Variants in GRM7 observed in about 807,000 individuals in gnomAD.
GRM7 encodes metabotropic glutamate receptor 7.
GRM7 carries 35 observed loss-of-function variants against 84.5 expected under a neutral mutation model. That is an observed-to-expected ratio of 0.41 (90% confidence interval 0.32 to 0.55). GRM7 has a LOEUF of 0.55. Among genes scored for constraint, GRM7 ranks in the 20% least tolerant of loss-of-function variants. The pLI is 0.19. For synonymous variants in GRM7, 487 were observed against 455.1 expected, an observed-to-expected ratio of 1.07 and a Z score of -0.89; for missense variants, 1,003 against 1,194.6, an observed-to-expected ratio of 0.84 and a Z score of 2.36.
At chr3:7,503,165 A>T (rs1054129918) in intron 7 of GRM7, among the ~76,000 whole-genome samples, 5 of 152,162 alleles carry the variant, frequency 3.3e-5, no homozygotes, top group African/African-American at 1.2e-4. Flanking sequence ...AAAATCCCCC[A>T]TATCAGTATT....
intron 1 of GRM7, among the ~76,000 whole-genome samples, chr3:6,945,153 A>C (rs7643027): frequency 0.23 from 34,920 of 151,294 alleles, 4,195 homozygotes; most frequent in Non-Finnish European, 0.26. Flanking sequence ...TGTTGGTGTG[A>C]TGCACCCATT....
chr3:7,726,394 T>G (rs1186266266), intron 9 of GRM7, among the ~76,000 whole-genome samples: 1 of 151,902 alleles, frequency 6.6e-6, no homozygotes, highest in African/African-American at 2.4e-5. Context: ...TATAAAAAGA[T>G]AGCATTATAG....
intron 1 of GRM7, among the ~76,000 whole-genome samples, chr3:7,032,386 G>T (rs1483097995): frequency 6.6e-6 from 1 of 152,184 alleles, no homozygotes; most frequent in African/African-American, 2.4e-5. Context: ...AATTCCATAA[G>T]GTTATGTGAG....
intron 4 of GRM7, among the ~76,000 whole-genome samples, chr3:7,392,197 A>G (rs1356604368): frequency 1.3e-5 from 2 of 152,090 alleles, no homozygotes; most frequent in Non-Finnish European, 2.9e-5. Context: ...TGACCAAGGG[A>G]GCAGACTAGA....
At chr3:7,155,668 C>A (rs1199781533) in intron 2 of GRM7, among the ~76,000 whole-genome samples, 3 of 152,106 alleles carry the variant, frequency 2.0e-5, no homozygotes, top group African/African-American at 7.2e-5. Flanking sequence ...ACAAAGGGAT[C>A]TGTTTTCCTT....
Position 7,578,492 on chromosome 3 carries a change from C to G in GRM7, c.1586C>G (p.Pro529Arg). 1 of 1,613,898 alleles carries G rather than the reference C, an allele frequency of 6.2e-7. No homozygotes were observed. The stretch of plus-strand genomic sequence containing the variant: ...TCAGTGTGCACACTACCATGTAAGC[C>G]AGGACAGAGAAAGAAGACACAGAAA... ...PASVCTLPCK[P>R]GQRKKTQKGT... is the part of the protein sequence containing the mutation. The change falls in exon 8 of 10, where the codon CCA becomes CGA. Residue 529 changes from proline to arginine, a missense_variant. Transcript: ENST00000357716.
chr3:6,979,564 GAA>G (rs1341701870), intron 1 of GRM7, among the ~76,000 whole-genome samples: 1 of 152,122 alleles, frequency 6.6e-6, no homozygotes, highest in Non-Finnish European at 1.5e-5. Context: ...TCCAAATATA[GAA>G]ATTAATTTAA....
chr3:6,992,991 C>A (rs1191811003), intron 1 of GRM7, among the ~76,000 whole-genome samples: 1 of 152,120 alleles, frequency 6.6e-6, no homozygotes, highest in East Asian at 1.9e-4. Context: ...AAGACATAAC[C>A]AAGACCGGAT....
At chr3:7,589,055 A>G (rs1023030607) in intron 8 of GRM7, among the ~76,000 whole-genome samples, 2 of 152,150 alleles carry the variant, frequency 1.3e-5, no homozygotes, top group Admixed American at 6.5e-5. Context: ...TATCAATTCC[A>G]TTGTGTTTCT....
chr3:6,991,868 A>C (rs1694648483), intron 1 of GRM7, among the ~76,000 whole-genome samples: 1 of 152,186 alleles, frequency 6.6e-6, no homozygotes, highest in Admixed American at 6.5e-5. Flanking sequence ...TGTACGTTAG[A>C]TATCTAGAAC....
intron 8 of GRM7, among the ~76,000 whole-genome samples, chr3:7,657,149 G>A (rs1559469001): frequency 6.6e-6 from 1 of 152,182 alleles, no homozygotes; most frequent in Non-Finnish European, 1.5e-5. Context: ...CCTGAGTATT[G>A]TTGCAGAACC....
chr3:7,635,581 A>G (rs1236121449), intron 8 of GRM7, among the ~76,000 whole-genome samples: 1 of 152,218 alleles, frequency 6.6e-6, no homozygotes, highest in African/African-American at 2.4e-5. Flanking sequence ...TAATTACTTC[A>G]GCCCTTGTTG....
intron 1 of GRM7, among the ~76,000 whole-genome samples, chr3:7,034,524 T>C (rs1218663928): frequency 1.3e-5 from 2 of 152,198 alleles, no homozygotes; most frequent in African/African-American, 4.8e-5. Context: ...TTTGTGTATA[T>C]GTACATACAT....
chr3:7,249,327 T>C (rs966722334), intron 2 of GRM7, among the ~76,000 whole-genome samples: 2 of 152,154 alleles, frequency 1.3e-5, no homozygotes, highest in African/African-American at 2.4e-5. Flanking sequence ...TAGTGTACCA[T>C]CTGCAAATTT....
chr3:7,689,990 T>G (rs1166711361), intron 9 of GRM7, among the ~76,000 whole-genome samples: 1 of 152,036 alleles, frequency 6.6e-6, no homozygotes, highest in Non-Finnish European at 1.5e-5. Flanking sequence ...AAGCTACAGG[T>G]GGAGACCATC....
intron 1 of GRM7, among the ~76,000 whole-genome samples, chr3:6,881,594 A>AC (rs371903701): frequency 6.6e-6 from 1 of 151,342 alleles, no homozygotes; most frequent in Non-Finnish European, 1.5e-5. Flanking sequence ...AACAAATTTT[A>AC]AAGAAAAAAA....
At chr3:7,101,930 A>G (rs1699123671) in intron 1 of GRM7, among the ~76,000 whole-genome samples, 1 of 151,140 alleles carries the variant, frequency 6.6e-6, no homozygotes, top group Non-Finnish European at 1.5e-5. Context: ...GCATTGTACT[A>G]CTTCACTTAA....
At chr3:7,737,883 T>C (rs1702557418) in intron 9 of GRM7, among the ~76,000 whole-genome samples, 1 of 151,472 alleles carries the variant, frequency 6.6e-6, no homozygotes, top group South Asian at 2.1e-4. Context: ...GTTTCGCTCT[T>C]GTTGTGCAGG....
At chr3:7,369,749 C>T (rs1180038638) in intron 4 of GRM7, among the ~76,000 whole-genome samples, 2 of 152,084 alleles carry the variant, frequency 1.3e-5, no homozygotes, top group African/African-American at 4.8e-5. Flanking sequence ...CATTCTATTA[C>T]TAATACTGAT....
Sources: allele counts gnomAD v4.1 joint callset (sites outside exome capture counted in the v4.1 genomes callset), GRCh38; gene constraint gnomAD v4.1.1; transcripts MANE v1.5; gene names NCBI Gene and HGNC (gene_info 2026-07-23, HGNC 2026-07-21).